M1AP: variants seen among roughly 807,000 people sequenced by gnomAD.
The protein encoded by M1AP is meiosis 1 associated protein.
In M1AP, 39 loss-of-function variants were observed where a neutral mutation model predicts 51.2. The observed-to-expected ratio is 0.76, with a 90% CI of 0.59 to 1.00. M1AP has a LOEUF of 1.00. Ranked by LOEUF, M1AP falls within the 50% of genes least tolerant of loss-of-function variation. M1AP has a pLI of 0.00. For missense variants in M1AP, 545 were observed against 641.2 expected, an observed-to-expected ratio of 0.85 and a Z score of 1.62; for synonymous variants, 251 against 249.2, an observed-to-expected ratio of 1.01 and a Z score of -0.07.
intron 1 of M1AP, among the ~76,000 whole-genome samples, chr2:74,646,672 T>C (rs1445783005): frequency 1.3e-5 from 2 of 152,216 alleles, no homozygotes; most frequent in African/African-American, 4.8e-5. Context: ...GAGTTTTTTT[T>C]CAACAAATAA....
In M1AP at chr2:74,635,614, T is replaced by C. The variant is rs201130720; in HGVS notation, c.240+4422A>G. On this transcript the variant is annotated intron_variant, in intron 2 of 10. Transcript: ENST00000421985. ...TTCTAATGTAAGCATTTTAGTGCCA[T>C]AAATTTCCTTCTCAGCACTGCTTTA... is the stretch of plus-strand genomic sequence containing the variant. 1.3e-4 allele frequency among the ~76,000 whole-genome samples: 20 copies of C among 152,256 alleles called. No individual in the cohort carries two copies. The South Asian group carries it at 1.7e-3, about 13-fold the overall frequency.
chr2:74,611,174 G>C (rs2104719930), intron 3 of M1AP, among the ~76,000 whole-genome samples: 1 of 152,266 alleles, frequency 6.6e-6, no homozygotes, highest in East Asian at 1.9e-4. Flanking sequence ...TTTGGTATCA[G>C]GGTAATGCTG....
intron 3 of M1AP, among the ~76,000 whole-genome samples, chr2:74,611,173 A>G (rs1681316030): frequency 6.6e-6 from 1 of 152,182 alleles, no homozygotes; most frequent in Non-Finnish European, 1.5e-5. Flanking sequence ...TTTTGGTATC[A>G]GGGTAATGCT....
At chr2:74,641,038 ATG>A (rs1441889653) in intron 1 of M1AP, among the ~76,000 whole-genome samples, 2 of 152,246 alleles carry the variant, frequency 1.3e-5, no homozygotes, top group Admixed American at 6.5e-5. Context: ...TGCCTAGCAT[ATG>A]TGTGTTTAGT....
chr2:74,628,571 T>C (rs1031196259), intron 2 of M1AP: 4 of 559,410 alleles, frequency 7.2e-6, no homozygotes, highest in African/African-American at 5.8e-5. Flanking sequence ...AAAAGATTCT[T>C]GATTCAGCTT....
At position 74,607,037 on chromosome 2, in the gene M1AP, T is replaced by G. The variant is rs1330086355; in HGVS notation, c.595+18A>C. On this transcript the variant is annotated intron_variant, in intron 4 of 10. Coordinates refer to ENST00000421985, the MANE Select transcript of M1AP (RefSeq NM_001321739.2). ...TAAAATTCTTACAATTCTTTTTACC[T>G]TGTTAAAAAATTCTTACCATCATTG... 1.9e-6 allele frequency: 3 copies of G among 1,609,516 alleles called. No homozygotes were observed. The highest frequency in any genetic ancestry group is 1.7e-5 in the Admixed American group (1 of 59,868).
chr2:74,624,064 A>G (rs1682235284), intron 2 of M1AP, among the ~76,000 whole-genome samples: 1 of 152,210 alleles, frequency 6.6e-6, no homozygotes, highest in Admixed American at 6.5e-5. Context: ...TTCTCTGTGT[A>G]TCATCTATCT....
At chr2:74,594,724 A>T (rs1573113207) in intron 4 of M1AP, among the ~76,000 whole-genome samples, 1 of 151,894 alleles carries the variant, frequency 6.6e-6, no homozygotes, top group East Asian at 1.9e-4. Flanking sequence ...AAAAATTACA[A>T]AAATTAGCTG....
chr2:74,615,318 T>C (rs1681603196), intron 2 of M1AP, among the ~76,000 whole-genome samples, 169 bp from the exon 3 acceptor site: 1 of 151,192 alleles, frequency 6.6e-6, no homozygotes, highest in South Asian at 2.1e-4. Context: ...TGCACCAAAA[T>C]CTTCCCTACA....
chr2:74,561,400 C>T (rs1028295053), intron 8 of M1AP, among the ~76,000 whole-genome samples: 2 of 152,044 alleles, frequency 1.3e-5, no homozygotes, highest in African/African-American at 2.4e-5. Flanking sequence ...CATAAATGAG[C>T]GCAAACACAG....
At chr2:74,562,809 A>G (rs1678117421) in intron 7 of M1AP, among the ~76,000 whole-genome samples, 2 of 152,140 alleles carry the variant, frequency 1.3e-5, no homozygotes, top group Admixed American at 1.3e-4. Context: ...GTAGCTACTC[A>G]GGAGGGTGAG....
In M1AP at chr2:74,575,651, C is replaced by T. The variant is rs966114435; in HGVS notation, c.933-72G>A. 5.8e-6 allele frequency: 7 copies of T among 1,206,474 alleles called. No individual in the cohort carries two copies. In the Admixed American group the frequency reaches 9.7e-5, roughly 17 times the overall value. 74.7% of individuals were successfully genotyped at this position (1,206,474 alleles called of 1,614,324 possible). On this transcript the variant is annotated intron_variant, in intron 6 of 10. Transcript: ENST00000421985. ...ACCTCCACCTAGATCCACTTCAATT[C>T]AGCTTAACTCTAAGACAGTACTGTG...
At chr2:74,623,942 A>C (rs1682228655) in intron 2 of M1AP, among the ~76,000 whole-genome samples, 1 of 152,228 alleles carries the variant, frequency 6.6e-6, no homozygotes, top group African/African-American at 2.4e-5. Flanking sequence ...AAGTGTTGGG[A>C]TTATAGGCGT....
chr2:74,597,639 T>C (rs1261848521), intron 4 of M1AP, among the ~76,000 whole-genome samples: 2 of 152,236 alleles, frequency 1.3e-5, no homozygotes, highest in Non-Finnish European at 2.9e-5. Flanking sequence ...GAGGAAATAT[T>C]AAACAGATGG....
At chr2:74,599,192 T>C (rs1037560712) in intron 4 of M1AP, among the ~76,000 whole-genome samples, 3 of 152,072 alleles carry the variant, frequency 2.0e-5, no homozygotes, top group African/African-American at 7.2e-5. Flanking sequence ...GGCATGATAA[T>C]TGCTTGAACC....
At chr2:74,583,317 A>T (rs1679523751) in intron 4 of M1AP, among the ~76,000 whole-genome samples, 1 of 152,234 alleles carries the variant, frequency 6.6e-6, no homozygotes, top group Non-Finnish European at 1.5e-5. Flanking sequence ...AGCATCAGTC[A>T]TTGGCATACT....
intron 2 of M1AP, among the ~76,000 whole-genome samples, chr2:74,628,102 C>A (rs1682503680): frequency 6.6e-6 from 1 of 152,204 alleles, no homozygotes; most frequent in Admixed American, 6.5e-5. Context: ...CAGAACAAAT[C>A]TTGACAATGT....
At chr2:74,619,246 T>C (rs1681860215) in intron 2 of M1AP, 2 of 208,336 alleles carry the variant, frequency 9.6e-6, no homozygotes, top group South Asian at 1.5e-4. Flanking sequence ...GGCTTTTTGG[T>C]AAAAACCTTT....
At chr2:74,637,671 G>A (rs1468720973) in intron 2 of M1AP, among the ~76,000 whole-genome samples, 1 of 152,154 alleles carries the variant, frequency 6.6e-6, no homozygotes, top group Non-Finnish European at 1.5e-5. Flanking sequence ...CCCTACTACT[G>A]AGGCAAGATC....
Sources: gnomAD v4.1 joint callset for allele counts (sites outside exome capture counted in the v4.1 genomes callset) on GRCh38, gnomAD v4.1.1 for gene constraint, MANE v1.5 for transcripts, NCBI Gene and HGNC (gene_info 2026-07-23, HGNC 2026-07-21) for gene names.